Variants in FGD4 observed in about 807,000 individuals in gnomAD.
The protein encoded by FGD4 is FYVE, RhoGEF and PH domain-containing protein 4.
In FGD4, 42 loss-of-function variants were observed where a neutral mutation model predicts 102.0. The observed-to-expected ratio is 0.41, with a 90% CI of 0.32 to 0.53. The LOEUF (loss-of-function observed/expected upper bound fraction) is 0.53, where lower values mean the gene tolerates loss of function less well. Ranked by LOEUF, FGD4 falls within the 20% of genes least tolerant of loss-of-function variation. The pLI is 0.21. For missense variants in FGD4, 902 were observed against 1,078.2 expected (o/e 0.84, Z 2.29); for synonymous variants, 380 against 375.7 (o/e 1.01, Z -0.13).
Position 32,610,753 on chromosome 12 carries a change from ACTTTT to A in FGD4, c.1544-17_1544-13del. The A allele has an allele frequency of 6.3e-7, 1 of 1,598,752 alleles. No homozygotes were observed. ...CAGGAAGGACAAAGCATATTTATTT[ACTTTT>A]CTTTTTTTCCCATTTAGAATCACTT... On this transcript the variant is annotated intron_variant, in intron 8 of 16. Coordinates refer to ENST00000534526, the MANE Select transcript of FGD4 (RefSeq NM_001370298.3).
intron 1 of FGD4, among the ~76,000 whole-genome samples, chr12:32,416,315 G>T (rs1335275022): frequency 2.6e-5 from 4 of 152,140 alleles, no homozygotes; most frequent in Non-Finnish European, 5.9e-5. Flanking sequence ...TATGTCTTTT[G>T]ATTAGAGAGT....
At position 32,640,124 on chromosome 12, in the gene FGD4, C is replaced by G. The variant is rs1018224954; in HGVS notation, c.2455-152C>G. 4.3e-6 allele frequency: 5 copies of G among 1,150,646 alleles called. No homozygotes were observed. In the African/African-American group the frequency reaches 6.0e-5, roughly 14 times the overall value. The allele number at this position is 1,150,646 out of a possible 1,614,324, so 71.3% of individuals were successfully genotyped here. A position where few individuals can be genotyped will look rare whatever the true frequency, so the allele number is the denominator to read the frequency against. ...AGTGGCCTCACGTACAGGCTCTGTACTAAGCAATGGGATTGCCCTCTGTGC... is the reference window on the plus strand; with the variant it reads ...AGTGGCCTCACGTACAGGCTCTGTAGTAAGCAATGGGATTGCCCTCTGTGC... On this transcript the variant is annotated intron_variant, in intron 16 of 16. Coordinates refer to ENST00000534526, the MANE Select transcript of FGD4 (RefSeq NM_001370298.3).
At chr12:32,421,976 TA>T (rs917272504) in intron 1 of FGD4, among the ~76,000 whole-genome samples, 2 of 149,398 alleles carry the variant, frequency 1.3e-5, no homozygotes, top group Non-Finnish European at 1.5e-5. Context: ...CTGTCTCTAC[TA>T]AAAAAAAATA....
chr12:32,520,602 A>AT (rs568752374), intron 1 of FGD4, among the ~76,000 whole-genome samples: 99 of 151,534 alleles, frequency 6.5e-4, no homozygotes, highest in Admixed American at 1.7e-3. Flanking sequence ...CGCCTGGCTA[A>AT]TTTTTTTGTA....
intron 1 of FGD4, among the ~76,000 whole-genome samples, chr12:32,484,877 AAAAAC>A (rs1411445785): frequency 6.6e-6 from 1 of 152,196 alleles, no homozygotes; most frequent in Non-Finnish European, 1.5e-5. Flanking sequence ...GTCTCAGAAA[AAAAAC>A]AAAATAAAAA....
At chr12:32,610,482 A>C (rs1949069439) in intron 8 of FGD4, among the ~76,000 whole-genome samples, 1 of 152,236 alleles carries the variant, frequency 6.6e-6, no homozygotes, top group African/African-American at 2.4e-5. Flanking sequence ...GAGATGAACT[A>C]AGGAAAAGCA....
intron 1 of FGD4, among the ~76,000 whole-genome samples, chr12:32,509,005 AT>A (rs1249596107): frequency 2.6e-5 from 4 of 152,258 alleles, no homozygotes; most frequent in Non-Finnish European, 5.9e-5. Context: ...AACTACTCTA[AT>A]TGCAATATAT....
At chr12:32,410,327 CAA>C (rs571141498) in intron 1 of FGD4, among the ~76,000 whole-genome samples, 1 of 137,866 alleles carries the variant, frequency 7.3e-6, no homozygotes. Flanking sequence ...GATTCCGTCT[CAA>C]AAAAAAAAAA....
At chr12:32,429,752 G>T (rs1453764456) in intron 1 of FGD4, among the ~76,000 whole-genome samples, 3 of 152,194 alleles carry the variant, frequency 2.0e-5, no homozygotes, top group Non-Finnish European at 4.4e-5. Flanking sequence ...CAGTCTGGCT[G>T]CTGGGAGTGT....
At chr12:32,480,022 G>A (rs551620739) in intron 1 of FGD4, among the ~76,000 whole-genome samples, 1 of 151,704 alleles carries the variant, frequency 6.6e-6, no homozygotes, top group African/African-American at 2.4e-5. Context: ...AAACTCCCAG[G>A]CTCAAGTGAT....
intron 10 of FGD4, among the ~76,000 whole-genome samples, chr12:32,617,199 ACTGT>A (rs1296779490): frequency 2.6e-5 from 4 of 152,252 alleles, no homozygotes; most frequent in Non-Finnish European, 5.9e-5. Flanking sequence ...CTTGAAATAA[ACTGT>A]CTGACATCCA....
At chr12:32,587,934 A>G (rs1447452116) in intron 4 of FGD4, among the ~76,000 whole-genome samples, 6 of 152,228 alleles carry the variant, frequency 3.9e-5, no homozygotes, top group Non-Finnish European at 2.9e-5. Context: ...AGGATGGTGC[A>G]TGAGGGTGTG....
intron 1 of FGD4, among the ~76,000 whole-genome samples, chr12:32,531,136 G>A (rs140864878): frequency 6.6e-6 from 1 of 151,412 alleles, no homozygotes; most frequent in Admixed American, 6.6e-5. Context: ...ATTTTTAGTA[G>A]AGACAGGGTT....
At chr12:32,487,295 T>C (rs1943937514) in intron 1 of FGD4, among the ~76,000 whole-genome samples, 1 of 152,226 alleles carries the variant, frequency 6.6e-6, no homozygotes, top group Non-Finnish European at 1.5e-5. Flanking sequence ...AACATTGAAT[T>C]AGGATTTTAA....
At chr12:32,563,628 A>T (rs1158180001) in intron 1 of FGD4, among the ~76,000 whole-genome samples, 2 of 152,148 alleles carry the variant, frequency 1.3e-5, no homozygotes, top group African/African-American at 4.8e-5. Context: ...CAATCTCGGC[A>T]CTTTGGGAGG....
At chr12:32,502,058 C>CAAA in intron 1 of FGD4, 1 of 985,430 alleles carries the variant, frequency 1.0e-6, no homozygotes, top group Non-Finnish European at 1.2e-6. Context: ...ACAAAGACAG[C>CAAA]GATTGTTACC....
In FGD4 at chr12:32,642,745, A is replaced by AC. The variant is rs944849075; in HGVS notation, c.*2216dup. 2.0e-5 allele frequency: 3 copies of AC among 152,240 alleles called. No individual in the cohort carries two copies. The highest frequency in any genetic ancestry group is 7.2e-5 in the African/African-American group (3 of 41,554). 9.4% of individuals were successfully genotyped at this position (152,240 alleles called of 1,614,324 possible). A position where few individuals can be genotyped will look rare whatever the true frequency, so the allele number is the denominator to read the frequency against. On this transcript the variant is annotated 3_prime_UTR_variant, in exon 17 of 17. Transcript: ENST00000534526. ...TATCCGGTCACCATATTCACTTTCCACCCCACATTCTTCAGCTAAACGCAA... is the reference window on the plus strand; with the variant it reads ...TATCCGGTCACCATATTCACTTTCCACCCCCACATTCTTCAGCTAAACGCAA...
chr12:32,416,432 C>A (rs1042067856), intron 1 of FGD4, among the ~76,000 whole-genome samples: 4 of 152,142 alleles, frequency 2.6e-5, no homozygotes, highest in Admixed American at 2.0e-4. Context: ...TTCCTTCTTT[C>A]CTGTCTTCCT....
intron 1 of FGD4, among the ~76,000 whole-genome samples, chr12:32,453,724 T>C (rs1942873708): frequency 1.3e-5 from 2 of 152,184 alleles, no homozygotes; most frequent in Admixed American, 6.5e-5. Context: ...ATTATTATCA[T>C]ACTTTATTTT....
Sources: gnomAD v4.1 joint callset for allele counts (sites outside exome capture counted in the v4.1 genomes callset) on GRCh38, gnomAD v4.1.1 for gene constraint, MANE v1.5 for transcripts, NCBI Gene and HGNC (gene_info 2026-07-23, HGNC 2026-07-21) for gene names.